The following PGM5 variants were observed in gnomAD, a reference collection of about 807,000 sequenced individuals.
The protein encoded by PGM5 is phosphoglucomutase 5.
In PGM5, 23 loss-of-function variants were observed where a neutral mutation model predicts 59.2. The ratio of observed to expected loss-of-function variants is 0.39; its 90% CI spans 0.28 to 0.55. PGM5 has a LOEUF of 0.55. PGM5 is among the 20% of genes least tolerant of loss of function. The pLI is 0.66. For synonymous variants in PGM5, 214 were observed against 286.0 expected (o/e 0.75, Z 2.54); for missense variants, 574 against 748.3 (o/e 0.77, Z 2.72).
intron 9 of PGM5, among the ~76,000 whole-genome samples, chr9:68,487,783 TC>T (rs782477337): frequency 2.6e-5 from 4 of 152,216 alleles, no homozygotes; most frequent in Non-Finnish European, 5.9e-5. Context: ...AGCTTTCTGC[TC>T]CAGAGCACCC....
At chr9:68,394,906 G>A (rs1195622060) in intron 6 of PGM5, among the ~76,000 whole-genome samples, 2 of 152,152 alleles carry the variant, frequency 1.3e-5, no homozygotes, top group Non-Finnish European at 2.9e-5. Context: ...ATGGGTATGA[G>A]CCACTGAACC....
At chr9:68,510,768 G>C (rs1271577605) in intron 10 of PGM5, among the ~76,000 whole-genome samples, 1 of 152,148 alleles carries the variant, frequency 6.6e-6, no homozygotes, top group East Asian at 1.9e-4. Context: ...TACATTTTAG[G>C]AAGATAAAAG....
At chr9:68,407,709 C>T (rs1213929900) in intron 6 of PGM5, among the ~76,000 whole-genome samples, 1 of 152,204 alleles carries the variant, frequency 6.6e-6, no homozygotes, top group Non-Finnish European at 1.5e-5. Flanking sequence ...ATTGCCCACA[C>T]ATCCCATTAA....
chr9:68,363,118 C>T (rs1554676384), intron 1 of PGM5, among the ~76,000 whole-genome samples: 1 of 151,866 alleles, frequency 6.6e-6, no homozygotes. Flanking sequence ...GATCTGCCTG[C>T]CTTGGCCTCC....
intron 10 of PGM5, among the ~76,000 whole-genome samples, chr9:68,500,322 T>C (rs1472892855): frequency 6.6e-6 from 1 of 152,122 alleles, no homozygotes; most frequent in African/African-American, 2.4e-5. Flanking sequence ...GTTTTGTTTT[T>C]TTCATGGTCT....
chr9:68,484,604 A>AG (rs1254845641), intron 9 of PGM5, among the ~76,000 whole-genome samples: 1 of 151,738 alleles, frequency 6.6e-6, no homozygotes, highest in Non-Finnish European at 1.5e-5. Flanking sequence ...AAAACAAAAA[A>AG]AAAAACAAAA....
intron 6 of PGM5, chr9:68,405,286 T>G (rs1394370312): frequency 6.6e-6 from 1 of 152,234 alleles, no homozygotes; most frequent in Non-Finnish European, 1.5e-5. Flanking sequence ...CTTCCCAAAC[T>G]AAATGACTAA....
intron 2 of PGM5, among the ~76,000 whole-genome samples, chr9:68,382,825 A>G (rs1822111556): frequency 6.6e-6 from 1 of 151,724 alleles, no homozygotes; most frequent in Non-Finnish European, 1.5e-5. Context: ...ATAGACAACT[A>G]TCTAGAGAGA....
intron 10 of PGM5, among the ~76,000 whole-genome samples, chr9:68,501,612 C>A (rs1362331911): frequency 3.9e-5 from 6 of 152,218 alleles, no homozygotes; most frequent in African/African-American, 1.4e-4. Context: ...CTGGAAAGAC[C>A]TGCTTGTGTT....
chr9:68,417,060 A>G (rs1478443032), intron 6 of PGM5, among the ~76,000 whole-genome samples: 1 of 152,224 alleles, frequency 6.6e-6, no homozygotes, highest in Non-Finnish European at 1.5e-5. Flanking sequence ...TGGCCAGCCT[A>G]TGTTCAACGA....
At chr9:68,468,352 T>C (rs2132081395) in intron 7 of PGM5, among the ~76,000 whole-genome samples, 1 of 152,332 alleles carries the variant, frequency 6.6e-6, no homozygotes, top group African/African-American at 2.4e-5. Flanking sequence ...CTGCCACTAG[T>C]TAGTCAAATA....
chr9:68,401,574 G>A (rs1463539653), intron 6 of PGM5, among the ~76,000 whole-genome samples: 1 of 151,512 alleles, frequency 6.6e-6, no homozygotes, highest in Non-Finnish European at 1.5e-5. Flanking sequence ...TCTGATTAGG[G>A]ATTCAAGGCT....
chr9:68,524,228 A>C (rs1319700612), intron 10 of PGM5, among the ~76,000 whole-genome samples: 1 of 152,180 alleles, frequency 6.6e-6, no homozygotes, highest in African/African-American at 2.4e-5. Flanking sequence ...ATCGTAGTGC[A>C]ATTTTTAAAA....
In PGM5 at chr9:68,529,632, G is replaced by GA; in HGVS notation, c.1681dup (p.Arg561LysfsTer78). ...CCCAGATTCATGAGAGAACTGGCCGGAGGGGACCCACTGTCATCACCTGAA... is the reference window on the plus strand; with the variant it reads ...CCCAGATTCATGAGAGAACTGGCCGGAAGGGGACCCACTGTCATCACCTGAA... On this transcript the variant is annotated frameshift_variant, in exon 11 of 11. Coordinates refer to ENST00000396396, the MANE Select transcript of PGM5 (RefSeq NM_021965.4). LOFTEE classifies it high-confidence loss of function. The GA allele has an allele frequency of 6.3e-7, 1 of 1,599,104 alleles. No individual in the cohort carries two copies. The highest frequency in any genetic ancestry group is 8.5e-7 in the Non-Finnish European group (1 of 1,170,276).
At chr9:68,420,213 A>T (rs186071655) in intron 6 of PGM5, among the ~76,000 whole-genome samples, 1 of 152,106 alleles carries the variant, frequency 6.6e-6, no homozygotes, top group Non-Finnish European at 1.5e-5. Context: ...CAAACCTCTG[A>T]GGCTTGGTGT....
chr9:68,476,067 C>G (rs782556485), intron 7 of PGM5, among the ~76,000 whole-genome samples: 7 of 152,182 alleles, frequency 4.6e-5, no homozygotes, highest in Non-Finnish European at 1.0e-4. Flanking sequence ...ATTCTCTTAT[C>G]TACTTCATTG....
intron 10 of PGM5, among the ~76,000 whole-genome samples, chr9:68,517,007 G>T (rs1205458801): frequency 6.6e-6 from 1 of 151,582 alleles, no homozygotes; most frequent in Non-Finnish European, 1.5e-5. Context: ...GAGAAGCCGG[G>T]ACTACAGGCA....
chr9:68,468,518 T>A (rs538005184), intron 7 of PGM5, among the ~76,000 whole-genome samples: 78 of 152,336 alleles, frequency 5.1e-4, no homozygotes, highest in Middle Eastern at 6.8e-3. Flanking sequence ...CTTTTAGTAA[T>A]AAGTATTTGC....
At position 68,384,553 on chromosome 9, in the gene PGM5, G is replaced by C; in HGVS notation, c.571+9G>C. 1 of 1,598,788 alleles carries C rather than the reference G, an allele frequency of 6.3e-7. No homozygotes were observed. The highest frequency in any genetic ancestry group is 1.7e-4 in the Middle Eastern group (1 of 5,988). On this transcript the variant is annotated intron_variant, in intron 3 of 10. Coordinates refer to ENST00000396396, the MANE Select transcript of PGM5 (RefSeq NM_021965.4). ...ATTCAAACCATTCAGAGGTAACAGA[G>C]ATTTTATTTTGAAGAAGTCAGAGTA...
Sources: allele counts gnomAD v4.1 joint callset (sites outside exome capture counted in the v4.1 genomes callset), GRCh38; gene constraint gnomAD v4.1.1; transcripts MANE v1.5; gene names NCBI Gene and HGNC (gene_info 2026-07-23, HGNC 2026-07-21).